ZHX2: variants seen among roughly 807,000 people sequenced by gnomAD.
The protein encoded by ZHX2 is zinc fingers and homeoboxes 2.
In ZHX2, 6 loss-of-function variants were observed where a neutral mutation model predicts 21.9. The ratio of observed to expected loss-of-function variants is 0.27; its 90% CI spans 0.15 to 0.54. The LOEUF is 0.54. ZHX2 is among the 20% of genes least tolerant of loss of function. The pLI is 0.95. For synonymous variants in ZHX2, 434 were observed against 437.1 expected (o/e 0.99, Z 0.09); for missense variants, 908 against 1,090.7 (o/e 0.83, Z 2.36).
chr8:122,947,647 G>A (rs2130251791), intron 2 of ZHX2, among the ~76,000 whole-genome samples: 1 of 152,312 alleles, frequency 6.6e-6, no homozygotes, highest in South Asian at 2.1e-4. Flanking sequence ...AGAGTGCTAA[G>A]GAGGCATTGT....
chr8:122,780,997 T>TG (rs1239529721), upstream of ZHX2: 7 of 152,328 alleles, frequency 4.6e-5, no homozygotes, highest in South Asian at 2.1e-4. Flanking sequence ...GTTATATAAG[T>TG]GGGGGGCTCC....
chr8:122,852,379 C>T (rs113396251), intron 1 of ZHX2, among the ~76,000 whole-genome samples: 2,665 of 152,248 alleles, frequency 0.018, 38 homozygotes, highest in Middle Eastern at 0.051. Context: ...ATTCAAAGTG[C>T]TTTACACTTA....
intron 1 of ZHX2, among the ~76,000 whole-genome samples, chr8:122,848,261 C>T (rs1193907308): frequency 1.3e-5 from 2 of 152,054 alleles, no homozygotes; most frequent in East Asian, 1.9e-4. Context: ...GAACCAGAGA[C>T]GGTCTCTTTT....
Position 122,861,191 on chromosome 8 carries a change from G to A in ZHX2, c.-282-2286G>A, listed in dbSNP as rs142400554. Among the ~76,000 whole-genome samples the A allele has an allele frequency of 2.7e-3, 418 of 152,256 alleles. 2 individuals are homozygous for A. Among genetic ancestry groups the A allele is most frequent in the African/African-American group, 9.1e-3 (378 of 41,542 alleles). On this transcript the variant is annotated intron_variant, in intron 1 of 3. Transcript: ENST00000314393. ...GAACGTGGAGTGAGCGGGTGTCATG[G>A]ACAGCATGGAGTCATCTGTGGCTTA...
At chr8:122,795,012 T>C (rs141814643) in intron 1 of ZHX2, among the ~76,000 whole-genome samples, 1 of 152,342 alleles carries the variant, frequency 6.6e-6, no homozygotes, top group East Asian at 1.9e-4. Context: ...GAGCCACTTC[T>C]CCACCCCAAG....
intron 2 of ZHX2, among the ~76,000 whole-genome samples, chr8:122,870,412 C>CT (rs1819402445): frequency 6.6e-6 from 1 of 151,754 alleles, no homozygotes; most frequent in South Asian, 2.1e-4. Context: ...GGTGGATCAT[C>CT]TGAGGTCAGG....
intron 2 of ZHX2, among the ~76,000 whole-genome samples, chr8:122,869,431 G>A (rs6470121): frequency 0.61 from 92,526 of 151,756 alleles, 28,392 homozygotes; most frequent in East Asian, 0.78. Context: ...GGATTCAAAC[G>A]ATTCTCCTGC....
intron 1 of ZHX2, among the ~76,000 whole-genome samples, chr8:122,803,223 G>C (rs1414618604): frequency 6.6e-6 from 1 of 152,194 alleles, no homozygotes; most frequent in Non-Finnish European, 1.5e-5. Flanking sequence ...CCCCCACTGA[G>C]GTAGTAGTGG....
intron 1 of ZHX2, among the ~76,000 whole-genome samples, chr8:122,823,313 A>G (rs1245360834): frequency 1.3e-5 from 2 of 152,244 alleles, no homozygotes; most frequent in Admixed American, 6.5e-5. Context: ...TCTCTCTGAC[A>G]TGTGAAAAAC....
chr8:122,962,300 C>G (rs534525735), intron 3 of ZHX2, among the ~76,000 whole-genome samples: 2 of 152,204 alleles, frequency 1.3e-5, no homozygotes, highest in Admixed American at 6.5e-5. Context: ...CTGAAGTCCC[C>G]AGAGTCTATT....
chr8:122,793,406 C>T (rs1006417916), intron 1 of ZHX2, among the ~76,000 whole-genome samples: 1 of 152,206 alleles, frequency 6.6e-6, no homozygotes, highest in South Asian at 2.1e-4. Context: ...TCCAGTTGAG[C>T]TTAGGGGTTC....
intron 2 of ZHX2, among the ~76,000 whole-genome samples, chr8:122,873,336 G>A (rs568893713): frequency 6.6e-6 from 1 of 152,270 alleles, no homozygotes; most frequent in Admixed American, 6.5e-5. Context: ...CCACATGCGG[G>A]TCCCCCTCTG....
chr8:122,965,790 C>T (rs1813572793), intron 3 of ZHX2, among the ~76,000 whole-genome samples: 1 of 152,046 alleles, frequency 6.6e-6, no homozygotes, highest in Non-Finnish European at 1.5e-5. Flanking sequence ...TATCTCATTT[C>T]TTAGGTCTAG....
chr8:122,809,978 A>G (rs373429538), intron 1 of ZHX2, among the ~76,000 whole-genome samples: 3 of 152,122 alleles, frequency 2.0e-5, no homozygotes, highest in Non-Finnish European at 4.4e-5. Context: ...TCATTAGAAG[A>G]TGATGGTTTT....
chr8:122,846,345 T>C (rs1261563317), intron 1 of ZHX2, among the ~76,000 whole-genome samples: 1 of 152,188 alleles, frequency 6.6e-6, no homozygotes, highest in East Asian at 1.9e-4. Flanking sequence ...GCAGGTCTTA[T>C]TCTCTTGCTC....
intron 1 of ZHX2, among the ~76,000 whole-genome samples, chr8:122,785,996 CA>C (rs1246423689): frequency 6.6e-6 from 1 of 152,154 alleles, no homozygotes; most frequent in Non-Finnish European, 1.5e-5. Context: ...ACGAGTTCTG[CA>C]AAGTTTCAGG....
At chr8:122,938,981 G>C (rs1812774073) in intron 2 of ZHX2, among the ~76,000 whole-genome samples, 1 of 152,220 alleles carries the variant, frequency 6.6e-6, no homozygotes, top group Admixed American at 6.5e-5. Context: ...AGCTGGGAGG[G>C]CAGAATCCAC....
chr8:122,846,991 A>G (rs1377504471), intron 1 of ZHX2, among the ~76,000 whole-genome samples: 2 of 152,206 alleles, frequency 1.3e-5, no homozygotes, highest in African/African-American at 2.4e-5. Context: ...TAAGGTACTC[A>G]GAACAGGGCC....
chr8:122,909,526 G>T (rs1250173478), intron 2 of ZHX2, among the ~76,000 whole-genome samples: 5 of 151,976 alleles, frequency 3.3e-5, no homozygotes, highest in Admixed American at 6.6e-5. Flanking sequence ...ATCCCTGGAG[G>T]TTCCTAAAAA....
Sources: gnomAD v4.1 joint callset for allele counts (sites outside exome capture counted in the v4.1 genomes callset) on GRCh38, gnomAD v4.1.1 for gene constraint, MANE v1.5 for transcripts, NCBI Gene and HGNC (gene_info 2026-07-23, HGNC 2026-07-21) for gene names.